Variants in IL22RA1 observed in about 807,000 individuals in gnomAD.
The protein encoded by IL22RA1 is interleukin-22 receptor subunit alpha-1.
IL22RA1 carries 25 observed loss-of-function variants against 32.8 expected under a neutral mutation model. The ratio of observed to expected loss-of-function variants is 0.76; its 90% CI spans 0.55 to 1.06. The LOEUF is 1.06. Among genes scored for constraint, IL22RA1 ranks in the 50% least tolerant of loss-of-function variants. The pLI, the probability that IL22RA1 is intolerant of heterozygous loss-of-function variation, is 0.00. For synonymous variants in IL22RA1, 305 were observed against 305.0 expected (o/e 1.00, Z 0.00); for missense variants, 709 against 727.4 (o/e 0.97, Z 0.29).
chr1:24,120,618 C>T lies in IL22RA1; in HGVS notation c.*187G>A, dbSNP rs1009396983. The T allele has an allele frequency of 1.7e-5, 10 of 590,202 alleles. No homozygotes were observed. The highest frequency in any genetic ancestry group is 1.6e-4 in the Admixed American group (5 of 31,910). 36.6% of individuals were successfully genotyped at this position (590,202 alleles called of 1,614,324 possible). A position where few individuals can be genotyped will look rare whatever the true frequency, so the allele number is the denominator to read the frequency against. On this transcript the variant is annotated 3_prime_UTR_variant, in exon 7 of 7. Transcript: ENST00000270800. ...CTCCCCCGCTGCAGTCCTTATCATG[C>T]TGCTTTGCTCCGGTGAGGAGCGCAC...
intron 5 of IL22RA1, among the ~76,000 whole-genome samples, chr1:24,127,819 C>T (rs1644175951): frequency 6.6e-6 from 1 of 152,158 alleles, no homozygotes; most frequent in Non-Finnish European, 1.5e-5. Flanking sequence ...ATCTTCTCTG[C>T]TTCCCCCCTG....
intron 2 of IL22RA1, among the ~76,000 whole-genome samples, chr1:24,137,702 G>A (rs2148575365): frequency 6.6e-6 from 1 of 151,972 alleles, no homozygotes; most frequent in African/African-American, 2.4e-5. Context: ...TTTTAGTAGA[G>A]ACAGTATGGC....
Position 24,121,009 on chromosome 1 carries a change from G to A in IL22RA1, c.1521C>T (p.His507=), listed in dbSNP as rs1317000857. ...GAGGTTGCAAAGGGAGGGACATGGG[G>A]TGGCCCTCGATCTGGACTGAGGAGA... The part of the protein sequence containing the change: ...PLLSSVQIEG[H]PMSLPLQPPS... The change falls in exon 7 of 7, where the codon CAC becomes CAT. Residue 507 remains histidine (H), a synonymous_variant. Transcript: ENST00000270800. 1.2e-6 allele frequency: 2 copies of A among 1,614,010 alleles called. No individual in the cohort carries two copies. The highest frequency in any genetic ancestry group is 1.3e-5 in the African/African-American group (1 of 74,954).
intron 4 of IL22RA1, among the ~76,000 whole-genome samples, chr1:24,129,546 CCATTTTGGA>C (rs1644190329): frequency 6.6e-6 from 1 of 152,186 alleles, no homozygotes. Context: ...AACCTTGAAG[CCATTTTGGA>C]CAAATCCCCT....
chr1:24,125,015 T>C (rs943606531), intron 5 of IL22RA1, among the ~76,000 whole-genome samples: 2 of 151,918 alleles, frequency 1.3e-5, no homozygotes, highest in African/African-American at 4.8e-5. Flanking sequence ...AGCCTGAGAG[T>C]AAGGAATACA....
intron 1 of IL22RA1, among the ~76,000 whole-genome samples, chr1:24,140,108 A>T (rs1644270166): frequency 6.6e-6 from 1 of 152,232 alleles, no homozygotes; most frequent in South Asian, 2.1e-4. Context: ...GGCATTTGTG[A>T]AGTGCACAGC....
Position 24,127,330 on chromosome 1 carries a change from G to A in IL22RA1, c.670+811C>T, listed in dbSNP as rs1430040212. 3.4e-5 allele frequency among the ~76,000 whole-genome samples: 5 copies of A among 145,858 alleles called. 1 individual carries two copies. Among genetic ancestry groups the A allele is most frequent in the Admixed American group, 6.9e-5 (1 of 14,544 alleles). ...GCAAGTCACTTTTTTTTTTTTTTCCGAGACAAGGTCTCACTCTGTCATCCA... is the reference window on the plus strand; with the variant it reads ...GCAAGTCACTTTTTTTTTTTTTTCCAAGACAAGGTCTCACTCTGTCATCCA... On this transcript the variant is annotated intron_variant, in intron 5 of 6. Coordinates refer to ENST00000270800, the MANE Select transcript of IL22RA1 (RefSeq NM_021258.4).
chr1:24,131,672 A>C (rs1001783625), intron 4 of IL22RA1, among the ~76,000 whole-genome samples: 1 of 152,222 alleles, frequency 6.6e-6, no homozygotes, highest in African/African-American at 2.4e-5. Context: ...ATAGTTGGAG[A>C]GTTTACTATT....
chr1:24,131,658 A>C (rs1480370642), intron 4 of IL22RA1, among the ~76,000 whole-genome samples: 1 of 152,232 alleles, frequency 6.6e-6, no homozygotes, highest in African/African-American at 2.4e-5. Context: ...ACAAATCCAC[A>C]ATTATAGTTG....
intron 4 of IL22RA1, among the ~76,000 whole-genome samples, chr1:24,128,871 A>G (rs1467554118): frequency 6.6e-6 from 1 of 152,148 alleles, no homozygotes; most frequent in African/African-American, 2.4e-5. Flanking sequence ...ATGCTCTTCT[A>G]TTCAAAAGGC....
chr1:24,141,778 CAT>C (rs1202840278), intron 1 of IL22RA1, among the ~76,000 whole-genome samples: 11 of 152,150 alleles, frequency 7.2e-5, no homozygotes, highest in African/African-American at 1.9e-4. Flanking sequence ...TCTGGGGAGA[CAT>C]GTGTTGTGTG....
At chr1:24,133,036 C>T (rs1644217584) in intron 4 of IL22RA1, among the ~76,000 whole-genome samples, 1 of 151,520 alleles carries the variant, frequency 6.6e-6, no homozygotes, top group South Asian at 2.1e-4. Flanking sequence ...ATGATAGAAC[C>T]TGCCTCACAA....
intron 2 of IL22RA1, among the ~76,000 whole-genome samples, chr1:24,137,736 C>T (rs574393255): frequency 2.2e-4 from 34 of 152,202 alleles, no homozygotes; most frequent in East Asian, 1.2e-3. Flanking sequence ...AGGCTGGTCT[C>T]GAACTCCTAA....
At chr1:24,123,575 G>A (rs1221729044) in intron 5 of IL22RA1, 152 bp from the exon 6 acceptor site, 1 of 1,445,500 alleles carries the variant, frequency 6.9e-7, no homozygotes, top group Non-Finnish European at 9.1e-7. Flanking sequence ...ACAAATGGAA[G>A]TCCATATACT....
At chr1:24,128,110 C>A (rs1275571918) in intron 5 of IL22RA1, 31 bp downstream of exon 5, 1 of 1,490,224 alleles carries the variant, frequency 6.7e-7, no homozygotes, top group Non-Finnish European at 8.9e-7. Context: ...ATTCGGGAGC[C>A]CCACCTCCCT....
chr1:24,135,877 A>G (rs1017538505), intron 3 of IL22RA1, among the ~76,000 whole-genome samples: 5 of 152,206 alleles, frequency 3.3e-5, no homozygotes, highest in South Asian at 4.1e-4. Context: ...GGGAACTACA[A>G]TTCAAGATGA....
chr1:24,142,713 A>G (rs995901772), intron 1 of IL22RA1, among the ~76,000 whole-genome samples: 4 of 152,182 alleles, frequency 2.6e-5, no homozygotes, highest in Admixed American at 2.0e-4. Context: ...TGAGGGACCG[A>G]AGGATGTCTG....
intron 4 of IL22RA1, among the ~76,000 whole-genome samples, chr1:24,129,448 G>A (rs1644188266): frequency 6.6e-6 from 1 of 152,230 alleles, no homozygotes; most frequent in South Asian, 2.1e-4. Context: ...CTCTGGGGCT[G>A]GCCCCATCCC....
chr1:24,140,995 C>T (rs1034998252), intron 1 of IL22RA1, among the ~76,000 whole-genome samples: 4 of 152,174 alleles, frequency 2.6e-5, no homozygotes, highest in African/African-American at 4.8e-5. Context: ...TCAGGCTTGG[C>T]GAGGACCGAT....
Sources: allele counts gnomAD v4.1 joint callset (sites outside exome capture counted in the v4.1 genomes callset), GRCh38; gene constraint gnomAD v4.1.1; transcripts MANE v1.5; gene names NCBI Gene and HGNC (gene_info 2026-07-23, HGNC 2026-07-21).